Variants in TNS1 observed in about 807,000 individuals in gnomAD.
The protein encoded by TNS1 is tensin 1, also known as tensin-1.
A neutral mutation model predicts 168.6 loss-of-function variants in TNS1; 62 were observed. The ratio of observed to expected loss-of-function variants is 0.37; its 90% confidence interval spans 0.30 to 0.45. The LOEUF (loss-of-function observed/expected upper bound fraction) is 0.45, where lower values mean the gene tolerates loss of function less well. Ranked by LOEUF, TNS1 falls within the 20% of genes least tolerant of loss-of-function variation. The pLI is 1.00. For missense variants in TNS1, 2,240 were observed against 2,339.4 expected (o/e 0.96, Z 0.88); for synonymous variants, 934 against 933.2 (o/e 1.00, Z -0.02).
intron 1 of TNS1, among the ~76,000 whole-genome samples, chr2:218,030,966 T>C (rs1958887235): frequency 6.6e-6 from 1 of 151,914 alleles, no homozygotes; most frequent in Non-Finnish European, 1.5e-5. Context: ...TGTGAGCATG[T>C]GTGTGAACTG....
chr2:217,811,874 C>G (rs1940979934), intron 28 of TNS1, among the ~76,000 whole-genome samples: 2 of 152,192 alleles, frequency 1.3e-5, no homozygotes, highest in Admixed American at 6.5e-5. Flanking sequence ...GCTCAGCATC[C>G]CCTTAGTCAG....
intron 6 of TNS1, chr2:217,903,466 T>C: frequency 8.1e-7 from 1 of 1,233,314 alleles, no homozygotes; most frequent in Non-Finnish European, 1.1e-6. Flanking sequence ...AATCCTATTC[T>C]TTTCCTCTCC....
chr2:218,021,510 T>C (rs1958806374), intron 1 of TNS1, among the ~76,000 whole-genome samples: 1 of 152,190 alleles, frequency 6.6e-6, no homozygotes, highest in Non-Finnish European at 1.5e-5. Context: ...AACTGCTGCC[T>C]GGCATCTGGA....
intron 1 of TNS1, among the ~76,000 whole-genome samples, chr2:218,023,724 C>A (rs563057061): frequency 6.6e-6 from 1 of 152,224 alleles, no homozygotes; most frequent in African/African-American, 2.4e-5. Context: ...CAGTATCAGT[C>A]GGTGGCAGAG....
At chr2:217,974,907 G>T (rs1957856746) in intron 3 of TNS1, among the ~76,000 whole-genome samples, 1 of 152,128 alleles carries the variant, frequency 6.6e-6, no homozygotes, top group African/African-American at 2.4e-5. Context: ...ACTGATTCTT[G>T]CCTCATGGTA....
chr2:218,030,154 A>AAT (rs2106016361), intron 1 of TNS1, among the ~76,000 whole-genome samples: 1 of 151,976 alleles, frequency 6.6e-6, no homozygotes, highest in South Asian at 2.1e-4. Flanking sequence ...CCATATACAC[A>AAT]CAGCATGTGT....
At chr2:218,011,543 G>C (rs1432540908), upstream of TNS1, among the ~76,000 whole-genome samples, 1 of 152,108 alleles carries the variant, frequency 6.6e-6, no homozygotes, top group East Asian at 1.9e-4. Context: ...GGCTGCCCTA[G>C]CACCATCTCA....
At chr2:217,988,769 A>C (rs2126078893) in intron 2 of TNS1, among the ~76,000 whole-genome samples, 1 of 152,176 alleles carries the variant, frequency 6.6e-6, no homozygotes, top group Non-Finnish European at 1.5e-5. Context: ...CTGAGAGCCC[A>C]CGTCCTGAAA....
intron 3 of TNS1, among the ~76,000 whole-genome samples, chr2:217,950,327 A>G (rs1447563052): frequency 6.6e-6 from 1 of 152,132 alleles, no homozygotes; most frequent in African/African-American, 2.4e-5. Context: ...CTGCCCCTTC[A>G]TCTGTGAACT....
intron 4 of TNS1, 30 bp from the exon 5 acceptor site, chr2:217,907,281 C>T (rs776761576): frequency 1.3e-5 from 9 of 702,806 alleles, no homozygotes; most frequent in Middle Eastern, 2.3e-4. Flanking sequence ...CAGCATGAGC[C>T]CTTAGGGCAG....
At chr2:217,830,825 G>A (rs367611586) in intron 22 of TNS1, among the ~76,000 whole-genome samples, 2 of 152,240 alleles carry the variant, frequency 1.3e-5, no homozygotes, top group Non-Finnish European at 2.9e-5. Context: ...ACAGTCAGGA[G>A]AAGACCTGGG....
chr2:217,994,033 C>T (rs994994773), intron 1 of TNS1, among the ~76,000 whole-genome samples: 1 of 152,076 alleles, frequency 6.6e-6, no homozygotes, highest in East Asian at 1.9e-4. Context: ...GAGCTGGAGC[C>T]CAGCAGTGCC....
intron 5 of TNS1, among the ~76,000 whole-genome samples, chr2:217,906,701 A>G (rs537389672): frequency 6.6e-6 from 1 of 152,018 alleles, no homozygotes; most frequent in Non-Finnish European, 1.5e-5. Flanking sequence ...CAAGATTTGA[A>G]CCGAAGTCCT....
chr2:217,846,242 A>C (rs893979164), intron 19 of TNS1, among the ~76,000 whole-genome samples: 8 of 151,942 alleles, frequency 5.3e-5, no homozygotes, highest in African/African-American at 1.9e-4. Context: ...TGGTGTAAAT[A>C]CTCCTGCAAT....
At chr2:217,978,696 C>T in intron 3 of TNS1, 69 bp downstream of exon 3, 2 of 687,664 alleles carry the variant, frequency 2.9e-6, no homozygotes, top group Admixed American at 4.2e-5. Context: ...GGCGCCCCCG[C>T]TCCAATCTGG....
At chr2:217,860,372 C>T (rs993885197) in intron 18 of TNS1, among the ~76,000 whole-genome samples, 2 of 152,182 alleles carry the variant, frequency 1.3e-5, no homozygotes, top group African/African-American at 4.8e-5. Flanking sequence ...GTGTCACAGA[C>T]TTCAAAGAGA....
In TNS1 at chr2:217,815,009, A is replaced by G; in HGVS notation, c.4643-11T>C. 6.2e-7 allele frequency: 1 copy of G among 1,606,726 alleles called. No individual in the cohort carries two copies. The highest frequency in any genetic ancestry group is 8.5e-7 in the Non-Finnish European group (1 of 1,175,618). ...TCTCCGGGCTGTTGTCTAAAGCAGG[A>G]GAAGGGAAGAAAGTGTTATGGGTTA... On this transcript the variant is annotated splice_polypyrimidine_tract_variant and intron_variant, in intron 24 of 32. Coordinates refer to ENST00000682258, the MANE Select transcript of TNS1 (RefSeq NM_001387777.1).
At chr2:217,830,504 G>A in intron 22 of TNS1, 1 of 1,256,910 alleles carries the variant, frequency 8.0e-7, no homozygotes. Context: ...GGCCCAGGGA[G>A]CCCTGTCTCC....
chr2:217,993,790 G>A (rs1958419777), intron 1 of TNS1, among the ~76,000 whole-genome samples: 1 of 152,236 alleles, frequency 6.6e-6, no homozygotes, highest in Admixed American at 6.5e-5. Context: ...TGATAGCGGG[G>A]CTGGTCAGGT....
Sources: gnomAD v4.1 joint callset for allele counts (sites outside exome capture counted in the v4.1 genomes callset) on GRCh38, gnomAD v4.1.1 for gene constraint, MANE v1.5 for transcripts, NCBI Gene and HGNC (gene_info 2026-07-23, HGNC 2026-07-21) for gene names.